The following RNF144B variants were observed in gnomAD, a reference collection of about 807,000 sequenced individuals.
RNF144B encodes ring finger protein 144B, also known as E3 ubiquitin-protein ligase RNF144B.
Under a neutral mutation model 40.2 loss-of-function variants are expected in RNF144B, and 25 were observed. The ratio of observed to expected loss-of-function variants is 0.62; its 90% CI spans 0.45 to 0.87. The LOEUF is 0.87. Ranked by LOEUF, RNF144B falls within the 40% of genes least tolerant of loss-of-function variation. The probability of loss-of-function intolerance (pLI) is 0.00; values close to 1 mark genes in which losing one functional copy is unlikely to be tolerated. For synonymous variants in RNF144B, 145 were observed against 136.3 expected, an observed-to-expected ratio of 1.06 and a Z score of -0.44; for missense variants, 365 against 373.7, an observed-to-expected ratio of 0.98 and a Z score of 0.19.
At chr6:18,452,583 A>G (rs1759232382) in intron 4 of RNF144B, among the ~76,000 whole-genome samples, 1 of 152,186 alleles carries the variant, frequency 6.6e-6, no homozygotes, top group Non-Finnish European at 1.5e-5. Context: ...GTTTGTACAT[A>G]TGCAGATCAA....
intron 3 of RNF144B, among the ~76,000 whole-genome samples, chr6:18,438,590 A>T (rs1048890996): frequency 2.0e-5 from 3 of 152,210 alleles, no homozygotes; most frequent in African/African-American, 4.8e-5. Flanking sequence ...GAGATTATTT[A>T]TAAGGGAAAG....
Position 18,399,670 on chromosome 6 carries a change from C to G in RNF144B, c.136C>G (p.Gln46Glu). Reference sequence around the variant, plus strand: ...GTCTCTGGACAAGATGACCACACTCCAGGAATGCCAGTGCATCTTTTGCAC... The same window carrying G: ...GTCTCTGGACAAGATGACCACACTCGAGGAATGCCAGTGCATCTTTTGCAC... ...EQSLDKMTTL[Q>E]ECQCIFCTAC... The change falls in exon 2 of 8, where the codon CAG becomes GAG. Residue 46 changes from glutamine to glutamate, a missense_variant. Gln to Glu is a conservative substitution (Grantham distance 29). Transcript: ENST00000259939. 1 of 1,613,954 alleles carries G rather than the reference C, an allele frequency of 6.2e-7. No homozygotes were observed. Among genetic ancestry groups the G allele is most frequent in the East Asian group, 2.2e-5 (1 of 44,872 alleles).
intron 2 of RNF144B, among the ~76,000 whole-genome samples, chr6:18,424,786 G>GA (rs1198558486): frequency 6.6e-6 from 1 of 151,888 alleles, no homozygotes; most frequent in Non-Finnish European, 1.5e-5. Flanking sequence ...ATATTTCTAA[G>GA]AGCCTTGCAT....
intron 3 of RNF144B, among the ~76,000 whole-genome samples, chr6:18,432,240 G>A (rs886353386): frequency 5.3e-5 from 8 of 152,140 alleles, no homozygotes; most frequent in Admixed American, 5.2e-4. Context: ...GTATCTGCGG[G>A]AGGTCCTGGA....
At chr6:18,440,035 A>G (rs1237589117) in intron 4 of RNF144B, among the ~76,000 whole-genome samples, 4 of 152,186 alleles carry the variant, frequency 2.6e-5, no homozygotes, top group Non-Finnish European at 5.9e-5. Flanking sequence ...TAATCACAAT[A>G]ATACAAAAGA....
rs896669919 is a variant in RNF144B at position 18,404,977 on chromosome 6, T to C, written c.165+5278T>C. On this transcript the variant is annotated intron_variant, in intron 2 of 7. Transcript: ENST00000259939. ...CAGAATGATTCTCTGTCCCCTCTTC[T>C]GGTCATGAGACCTGCCAACCTTTCC... Among the ~76,000 whole-genome samples, 2 of 152,078 alleles carry C rather than the reference T, an allele frequency of 1.3e-5. 1 individual carries two copies. The highest frequency in any genetic ancestry group is 2.9e-5 in the Non-Finnish European group (2 of 68,016).
Position 18,458,094 on chromosome 6 carries a change from C to T in RNF144B, c.536+735C>T, listed in dbSNP as rs1288131772. Reference sequence around the variant, plus strand: ...CTGGGATTGCAGGCACTTGCCACCACGCCTGGCTAATTTTTCTATTTTTAG... The same window carrying T: ...CTGGGATTGCAGGCACTTGCCACCATGCCTGGCTAATTTTTCTATTTTTAG... On this transcript the variant is annotated intron_variant, in intron 5 of 7. Coordinates refer to ENST00000259939, the MANE Select transcript of RNF144B (RefSeq NM_182757.4). This position sits in a 1 kb window ranked among gnomAD's most constrained non-coding sequence, Gnocchi z 4.8. Among the ~76,000 whole-genome samples, 17 of 152,060 alleles carry T rather than the reference C, an allele frequency of 1.1e-4. No individual in the cohort carries two copies. Among genetic ancestry groups the T allele is most frequent in the Middle Eastern group, 3.2e-3 (1 of 316 alleles).
At chr6:18,415,836 G>A (rs960419423) in intron 2 of RNF144B, among the ~76,000 whole-genome samples, 1 of 151,782 alleles carries the variant, frequency 6.6e-6, no homozygotes, top group Non-Finnish European at 1.5e-5. Flanking sequence ...TTACTAACTT[G>A]GGTTTTGTTT....
At chr6:18,396,899 C>G in intron 1 of RNF144B, 1 of 835,202 alleles carries the variant, frequency 1.2e-6, no homozygotes, top group South Asian at 5.4e-5. Context: ...CTGAATTTGA[C>G]GTGCAGGTCT....
At position 18,418,611 on chromosome 6, in the gene RNF144B, A is replaced by G. The variant is rs1339355135; in HGVS notation, c.166-8970A>G. Among the ~76,000 whole-genome samples, 1 of 152,014 alleles carries G rather than the reference A, an allele frequency of 6.6e-6. No individual in the cohort carries two copies. Among genetic ancestry groups the G allele is most frequent in the African/African-American group, 2.4e-5 (1 of 41,400 alleles). ...GGGGAGCATGTACTAATGGGCACAG[A>G]GTTTCTTTTGGGATTATGAAATGTT... On this transcript the variant is annotated intron_variant, in intron 2 of 7. Coordinates refer to ENST00000259939, the MANE Select transcript of RNF144B (RefSeq NM_182757.4). This position sits in a 1 kb window ranked among gnomAD's most constrained non-coding sequence, Gnocchi z 5.2.
rs1355546708 is a variant in RNF144B at position 18,458,697 on chromosome 6, A to G, written c.537-910A>G. ...TGAGTCTGTTTCCCTATCTGAAAAT[A>G]AGGGAATTAAGATACAAGTTGAGCA... On this transcript the variant is annotated intron_variant, in intron 5 of 7. Transcript: ENST00000259939. This position sits in a 1 kb window ranked among gnomAD's most constrained non-coding sequence, Gnocchi z 4.8. Among the ~76,000 whole-genome samples the G allele has an allele frequency of 6.6e-6, 1 of 152,212 alleles. No individual in the cohort carries two copies. The highest frequency in any genetic ancestry group is 1.5e-5 in the Non-Finnish European group (1 of 68,038).
In RNF144B at chr6:18,465,907, G is replaced by A. The variant is rs1759563350; in HGVS notation, c.*840G>A. 2.6e-5 allele frequency: 4 copies of A among 152,156 alleles called. No individual in the cohort carries two copies. The highest frequency in any genetic ancestry group is 2.6e-4 in the Admixed American group (4 of 15,272). 9.4% of individuals were successfully genotyped at this position (152,156 alleles called of 1,614,324 possible). ...TCAAAACTTTCGTCATAGATATCTG[G>A]GACCTTTCTCAGGATCTGTGTTCAC... On this transcript the variant is annotated 3_prime_UTR_variant, in exon 8 of 8. Transcript: ENST00000259939.
chr6:18,421,757 A>C (rs1359419324), intron 2 of RNF144B, among the ~76,000 whole-genome samples: 1 of 152,160 alleles, frequency 6.6e-6, no homozygotes, highest in Non-Finnish European at 1.5e-5. Flanking sequence ...AGTTTGAAAA[A>C]TACAGTGCGA....
In RNF144B at chr6:18,467,400, G is replaced by GGTT. The variant is rs1157556173; in HGVS notation, c.*2333_*2334insGTT. 9.8e-6 allele frequency: 1 copy of GGTT among 102,274 alleles called. No individual in the cohort carries two copies. Among genetic ancestry groups the GGTT allele is most frequent in the Admixed American group, 1.2e-4 (1 of 8,568 alleles). The allele number at this position is 102,274 out of a possible 1,614,324, so 6.3% of individuals were successfully genotyped here. A position where few individuals can be genotyped will look rare whatever the true frequency, so the allele number is the denominator to read the frequency against. On this transcript the variant is annotated 3_prime_UTR_variant, in exon 8 of 8. Coordinates refer to ENST00000259939, the MANE Select transcript of RNF144B (RefSeq NM_182757.4). ...TTGTATCACTGAATTAGCTGCTTTT[G>GGTT]TTTTTTTTTTTTTTTTTTTGCCAGG...
At chr6:18,394,938 A>C (rs1794664343) in intron 1 of RNF144B, among the ~76,000 whole-genome samples, 1 of 152,126 alleles carries the variant, frequency 6.6e-6, no homozygotes, top group African/African-American at 2.4e-5. Context: ...ACATGGCCCA[A>C]CCAATCTGTC....
chr6:18,396,048 A>G (rs1794688047), intron 1 of RNF144B, among the ~76,000 whole-genome samples: 1 of 152,176 alleles, frequency 6.6e-6, no homozygotes, highest in South Asian at 2.1e-4. Context: ...AACAAAATGC[A>G]TCTCTGCTAT....
At chr6:18,421,498 G>A (rs1304013130) in intron 2 of RNF144B, among the ~76,000 whole-genome samples, 2 of 151,892 alleles carry the variant, frequency 1.3e-5, no homozygotes, top group East Asian at 1.9e-4. Flanking sequence ...AAATTTTGAC[G>A]TGTTCAGCAT....
chr6:18,409,867 G>A (rs1794999713), intron 2 of RNF144B, among the ~76,000 whole-genome samples: 2 of 152,120 alleles, frequency 1.3e-5, no homozygotes, highest in African/African-American at 4.8e-5. Context: ...ACTGCGCCCC[G>A]GCCTACATAA....
rs933045073 is a variant in RNF144B at position 18,464,242 on chromosome 6, A to G, written c.772-685A>G. On this transcript the variant is annotated intron_variant, in intron 7 of 7. Transcript: ENST00000259939. The surrounding 1 kb of genome is among the most constrained non-coding windows in gnomAD (Gnocchi z 6.1). ...ATTCCTTTGGAGGGAGTCAGTGCTA[A>G]TATCCTAGTAATCATTAACATCCCT... 2.6e-5 allele frequency among the ~76,000 whole-genome samples: 4 copies of G among 152,224 alleles called. No homozygotes were observed. Among genetic ancestry groups the G allele is most frequent in the African/African-American group, 9.6e-5 (4 of 41,460 alleles).
Sources: gnomAD v4.1 joint callset for allele counts (sites outside exome capture counted in the v4.1 genomes callset) on GRCh38, gnomAD v4.1.1 for gene constraint, Gnocchi (gnomAD v3.1) non-coding constraint, MANE v1.5 for transcripts, NCBI Gene and HGNC (gene_info 2026-07-23, HGNC 2026-07-21) for gene names.